PATE2: variants seen among roughly 807,000 people sequenced by gnomAD.
PATE2 encodes prostate and testis expressed 2.
Under a neutral mutation model 10.5 loss-of-function variants are expected in PATE2, and 7 were observed. That is an observed-to-expected ratio of 0.66 (90% CI 0.38 to 1.25). The LOEUF is 1.25. Ranked by LOEUF, PATE2 falls within the 50% of genes most tolerant of loss-of-function variation. PATE2 has a pLI of 0.02. For synonymous variants in PATE2, 44 were observed against 46.9 expected (o/e 0.94, Z 0.25); for missense variants, 133 against 135.4 (o/e 0.98, Z 0.09).
At position 125,777,197 on chromosome 11, in the gene PATE2, T is replaced by C. The variant is rs1943492391; in HGVS notation, c.*185A>G. ...AGGGATGTGCAAAGAGTGAGTCTAG[T>C]GCTCCATCATCAATAGGCTCCGCTG... On this transcript the variant is annotated 3_prime_UTR_variant, in exon 4 of 4. Coordinates refer to ENST00000358524, the MANE Select transcript of PATE2 (RefSeq NM_212555.3). 1.1e-5 allele frequency: 7 copies of C among 621,504 alleles called. No individual in the cohort carries two copies. The highest frequency in any genetic ancestry group is 5.4e-6 in the Non-Finnish European group (2 of 370,490). 38.5% of individuals were successfully genotyped at this position (621,504 alleles called of 1,614,324 possible).
chr11:125,778,098 G>A (rs1943504468), intron 2 of PATE2, 96 bp from the exon 3 acceptor site: 1 of 1,360,774 alleles, frequency 7.3e-7, no homozygotes, highest in Non-Finnish European at 1.0e-6. Flanking sequence ...TTGCCTAGTG[G>A]TTCCTAACAT....
In PATE2 at chr11:125,777,928, G is replaced by A; in HGVS notation, c.151C>T (p.Leu51=). 1 of 1,613,428 alleles carries A rather than the reference G, an allele frequency of 6.2e-7. No individual in the cohort carries two copies. Among genetic ancestry groups the A allele is most frequent in the Non-Finnish European group, 8.5e-7 (1 of 1,179,570 alleles). ...ACTGCACAGGACTGTTTATGCTTCA[G>A]GGAGCAGGATGTCATGACACCATAG... is the stretch of plus-strand genomic sequence containing the variant. ...LCYGVMTSCS[L]KHKQSCAVEN... Residue 51 remains leucine (L), a synonymous_variant, in exon 3 of 4, where the codon CTG becomes TTG. Coordinates refer to ENST00000358524, the MANE Select transcript of PATE2 (RefSeq NM_212555.3).
rs1463054491 is a variant in PATE2 at position 125,778,080 on chromosome 11, C to T, written c.77-78G>A. The T allele has an allele frequency of 3.3e-6, 5 of 1,495,158 alleles. No homozygotes were observed. The East Asian group carries it at 1.1e-4, about 34-fold the overall frequency. The allele number at this position is 1,495,158 out of a possible 1,614,324, so 92.6% of individuals were successfully genotyped here. A position where few individuals can be genotyped will look rare whatever the true frequency, so the allele number is the denominator to read the frequency against. ...TGGGGCTGGGGGCTTCACTACAGGACCTTATTCTTGCCTAGTGGTTCCTAA... is the reference window on the plus strand; with the variant it reads ...TGGGGCTGGGGGCTTCACTACAGGATCTTATTCTTGCCTAGTGGTTCCTAA... On this transcript the variant is annotated intron_variant, in intron 2 of 3. Coordinates refer to ENST00000358524, the MANE Select transcript of PATE2 (RefSeq NM_212555.3).
rs1232609345 is a variant in PATE2, at chr11:125,778,556, T to C, written c.72A>G (p.Ile24Met). Residue 24 changes from isoleucine (I) to methionine (M), a missense_variant, in exon 2 of 4, where the codon ATA becomes ATG. Physicochemically the swap from Ile to Met is conservative, Grantham distance 10. Coordinates refer to ENST00000358524, the MANE Select transcript of PATE2 (RefSeq NM_212555.3). ...TCAGAGAAGCCATGATTGTACCTTT[T>C]ATAGGGTCATGAAGTTCACCTGTGA... The part of the protein sequence containing the change: ...CPYWGELHDP[I>M]KATEIMCYEC... The C allele has an allele frequency of 6.2e-7, 1 of 1,613,420 alleles. No individual in the cohort carries two copies. The highest frequency in any genetic ancestry group is 2.2e-5 in the East Asian group (1 of 44,884).
rs777967837 is a variant in PATE2, at chr11:125,777,883, T to A, written c.196A>T (p.Thr66Ser). The A allele has an allele frequency of 2.4e-5, 39 of 1,613,066 alleles. No homozygotes were observed. The Admixed American group carries it at 6.2e-4, about 26-fold the overall frequency. The part of the protein sequence containing the change: ...SCAVENFYIL[T>S]RKGQSMYHYS... ...CTATACTCCACATTACCTTTCCTTG[T>A]AAGGATGTAAAAGTTCTCAACTGCA... is the stretch of plus-strand genomic sequence containing the variant. Residue 66 changes from threonine to serine, a missense_variant, in exon 3 of 4, where the codon ACA becomes TCA. Transcript: ENST00000358524.
rs1318014669 is a variant in PATE2 at position 125,777,343 on chromosome 11, T to TGGTTGAAAAAGAACCCAAAATC, written c.*17_*38dup. Reference sequence around the variant, plus strand: ...TTCAGGGAAGAGAAAAAGAGCGTAGTGGTTGAAAAAGAACCCAAAATCCAG... The same window carrying TGGTTGAAAAAGAACCCAAAATC: ...TTCAGGGAAGAGAAAAAGAGCGTAGTGGTTGAAAAAGAACCCAAAATCGGTTGAAAAAGAACCCAAAATCCAG... On this transcript the variant is annotated 3_prime_UTR_variant, in exon 4 of 4. Coordinates refer to ENST00000358524, the MANE Select transcript of PATE2 (RefSeq NM_212555.3). 4 of 1,603,698 alleles carry TGGTTGAAAAAGAACCCAAAATC rather than the reference T, an allele frequency of 2.5e-6. No homozygotes were observed. The African/African-American group carries it at 4.0e-5, about 16-fold the overall frequency.
rs1943498888 is a variant in PATE2, at chr11:125,777,670, T to C, written c.206-152A>G. The C allele has an allele frequency of 6.0e-6, 7 of 1,168,784 alleles. No individual in the cohort carries two copies. In the South Asian group the frequency reaches 9.3e-5, roughly 16 times the overall value. 72.4% of individuals were successfully genotyped at this position (1,168,784 alleles called of 1,614,324 possible). On this transcript the variant is annotated intron_variant, in intron 3 of 3. Coordinates refer to ENST00000358524, the MANE Select transcript of PATE2 (RefSeq NM_212555.3). ...GTCTGTTAATTGCTGACCCAGAGAG[T>C]AGATTTTATTCCCTGCCAGGTAAGG... is the stretch of plus-strand genomic sequence containing the variant.
At chr11:125,778,090 G>C in intron 2 of PATE2, 88 bp from the exon 3 acceptor site, 1 of 1,418,740 alleles carries the variant, frequency 7.0e-7, no homozygotes, top group African/African-American at 1.4e-5. Flanking sequence ...CCTTATTCTT[G>C]CCTAGTGGTT....
chr11:125,777,527 G>A lies in PATE2; in HGVS notation c.206-9C>T. 1 of 1,613,288 alleles carries A rather than the reference G, an allele frequency of 6.2e-7. No homozygotes were observed. The highest frequency in any genetic ancestry group is 8.5e-7 in the Non-Finnish European group (1 of 1,179,544). The stretch of plus-strand genomic sequence containing the variant: ...ATGATACATGCTCTGCCCTGAGGAG[G>A]TAAAAGAGAGGAAATATGATCATAA... On this transcript the variant is annotated splice_polypyrimidine_tract_variant and intron_variant, in intron 3 of 3. Transcript: ENST00000358524.
At chr11:125,777,714 A>G (rs1311096484) in intron 3 of PATE2, among the ~76,000 whole-genome samples, 160 bp downstream of exon 3, 1 of 151,860 alleles carries the variant, frequency 6.6e-6, no homozygotes, top group African/African-American at 2.4e-5. Context: ...CCTCTTTTTC[A>G]CTCAATATGG....
rs75339386 is a variant in PATE2, at chr11:125,777,232, C to T, written c.*150G>A. 2.0e-5 allele frequency: 18 copies of T among 885,988 alleles called. No individual in the cohort carries two copies. The highest frequency in any genetic ancestry group is 9.4e-5 in the South Asian group (5 of 53,422). 54.9% of individuals were successfully genotyped at this position (885,988 alleles called of 1,614,324 possible). ...TCAATAGGCTCCGCTGTCCACACTGCGTCTCCTTATGCCTGCTTGTCTTTT... is the reference window on the plus strand; with the variant it reads ...TCAATAGGCTCCGCTGTCCACACTGTGTCTCCTTATGCCTGCTTGTCTTTT... On this transcript the variant is annotated 3_prime_UTR_variant, in exon 4 of 4. Transcript: ENST00000358524.
chr11:125,777,442 C>A lies in PATE2; in HGVS notation c.282G>T (p.Lys94Asn). 1.9e-6 allele frequency: 3 copies of A among 1,613,776 alleles called. No individual in the cohort carries two copies. Among genetic ancestry groups the A allele is most frequent in the Non-Finnish European group, 1.7e-6 (2 of 1,179,784 alleles). Residue 94 changes from lysine to asparagine, a missense_variant, in exon 4 of 4, where the codon AAG (lysine) becomes AAT (asparagine). Transcript: ENST00000358524. ...CEDINFLGFTKRVELICCDHS... is the reference protein window; with the variant it reads ...CEDINFLGFTNRVELICCDHS... ...GATCACAACAGATGAGCTCTACCCT[C>A]TTCGTGAACCCCAGGAAGTTGATGT...
In PATE2 at chr11:125,777,173, G is replaced by A. The variant is rs1943492166; in HGVS notation, c.*209C>T. 1 of 517,306 alleles carries A rather than the reference G, an allele frequency of 1.9e-6. No individual in the cohort carries two copies. Among genetic ancestry groups the A allele is most frequent in the South Asian group, 3.5e-5 (1 of 28,580 alleles). The allele number at this position is 517,306 out of a possible 1,614,324, so 32.0% of individuals were successfully genotyped here. On this transcript the variant is annotated 3_prime_UTR_variant, in exon 4 of 4. Transcript: ENST00000358524. ...AAACCCCTCCCACCTGTTAGCGACAGGGATGTGCAAAGAGTGAGTCTAGTG... is the reference window on the plus strand; with the variant it reads ...AAACCCCTCCCACCTGTTAGCGACAAGGATGTGCAAAGAGTGAGTCTAGTG...
Position 125,777,013 on chromosome 11 carries a change from T to TCTCGGTG in PATE2, c.*368_*369insCACCGAG. ...CAACGGAGAGGAGTGTGTGTGTAGA[T>TCTCGGTG]GAGGATAGAGGATAGTCACAGAATT... is the stretch of plus-strand genomic sequence containing the variant. On this transcript the variant is annotated 3_prime_UTR_variant, in exon 4 of 4. Coordinates refer to ENST00000358524, the MANE Select transcript of PATE2 (RefSeq NM_212555.3). The TCTCGGTG allele has an allele frequency of 5.6e-6, 1 of 179,748 alleles. No individual in the cohort carries two copies. The highest frequency in any genetic ancestry group is 1.2e-5 in the Non-Finnish European group (1 of 84,440). The allele number at this position is 179,748 out of a possible 1,614,324, so 11.1% of individuals were successfully genotyped here.
chr11:125,777,487 C>T lies in PATE2; in HGVS notation c.237G>A (p.Ser79=), dbSNP rs377705832. The T allele has an allele frequency of 5.6e-5, 90 of 1,613,652 alleles. No individual in the cohort carries two copies. The Middle Eastern group carries it at 8.3e-4, about 15-fold the overall frequency. Residue 79 remains serine, a synonymous_variant, in exon 4 of 4, where the codon TCG becomes TCA. Coordinates refer to ENST00000358524, the MANE Select transcript of PATE2 (RefSeq NM_212555.3). ...GQSMYHYSKL[S]CMTSCEDINF... ...TGATGTCCTCACAGCTGGTCATACA[C>T]GACAGTTTTGAATAATGATACATGC...
rs1943491547 is a variant in PATE2 at position 125,777,123 on chromosome 11, A to G, written c.*259T>C. 2 of 388,338 alleles carry G rather than the reference A, an allele frequency of 5.2e-6. No individual in the cohort carries two copies. Among genetic ancestry groups the G allele is most frequent in the Non-Finnish European group, 4.7e-6 (1 of 212,360 alleles). The allele number at this position is 388,338 out of a possible 1,614,324, so 24.1% of individuals were successfully genotyped here. ...TAAATGACCAAGTCTGAGCTTATTC[A>G]TGGCAGTATCACGTAAGGAGAGCAA... On this transcript the variant is annotated 3_prime_UTR_variant, in exon 4 of 4. Transcript: ENST00000358524.
chr11:125,776,739 C>T lies in PATE2; in HGVS notation c.*643G>A, dbSNP rs1943487323. On this transcript the variant is annotated 3_prime_UTR_variant, in exon 4 of 4. Transcript: ENST00000358524. ...GCAATGATAATTCAAGCCAATTCCA[C>T]CCACAGCAAGTTATTTCTCAGATCT... The T allele has an allele frequency of 6.6e-6, 1 of 152,258 alleles. No homozygotes were observed. Among genetic ancestry groups the T allele is most frequent in the Non-Finnish European group, 1.5e-5 (1 of 68,094 alleles). 9.4% of individuals were successfully genotyped at this position (152,258 alleles called of 1,614,324 possible).
Position 125,776,837 on chromosome 11 carries a change from T to C in PATE2, c.*545A>G, listed in dbSNP as rs1205534562. The C allele has an allele frequency of 2.6e-5, 4 of 152,418 alleles. No homozygotes were observed. The highest frequency in any genetic ancestry group is 5.9e-5 in the Non-Finnish European group (4 of 68,244). 9.4% of individuals were successfully genotyped at this position (152,418 alleles called of 1,614,324 possible). On this transcript the variant is annotated 3_prime_UTR_variant, in exon 4 of 4. Coordinates refer to ENST00000358524, the MANE Select transcript of PATE2 (RefSeq NM_212555.3). ...TCCCTATGTCTGTTCAGTTTTTTTT[T>C]TTCTGCCCTGAGGTTCCCCCAAGAG...
At position 125,778,573 on chromosome 11, in the gene PATE2, CACCTGTGAAAAGAAGA is replaced by C. The variant is rs763490525; in HGVS notation, c.53-14_54del. The C allele has an allele frequency of 2.7e-5, 44 of 1,613,434 alleles. No individual in the cohort carries two copies. The highest frequency in any genetic ancestry group is 3.6e-5 in the Non-Finnish European group (43 of 1,179,648). ...GTACCTTTTATAGGGTCATGAAGTT[CACCTGTGAAAAGAAGA>C]AAAACCTTCCATGTTACAGTCTCAC... On this transcript the variant is annotated splice_acceptor_variant and splice_polypyrimidine_tract_variant and coding_sequence_variant and intron_variant, in exon 2 of 4. Coordinates refer to ENST00000358524, the MANE Select transcript of PATE2 (RefSeq NM_212555.3). LOFTEE classifies it high-confidence loss of function.
Sources: allele counts gnomAD v4.1 joint callset (sites outside exome capture counted in the v4.1 genomes callset), GRCh38; gene constraint gnomAD v4.1.1; transcripts MANE v1.5; gene names NCBI Gene and HGNC (gene_info 2026-07-23, HGNC 2026-07-21).